The following TIMP2 variants were observed in gnomAD, a reference collection of about 807,000 sequenced individuals.
TIMP2 encodes TIMP metallopeptidase inhibitor 2, also known as metalloproteinase inhibitor 2.
A neutral mutation model predicts 24.3 loss-of-function variants in TIMP2; 5 were observed. The ratio of observed to expected loss-of-function variants is 0.21; its 90% confidence interval spans 0.11 to 0.43. TIMP2 has a LOEUF of 0.43. Among genes scored for constraint, TIMP2 ranks in the 20% least tolerant of loss-of-function variants. The pLI is 1.00. For synonymous variants in TIMP2, 130 were observed against 123.2 expected (o/e 1.06, Z -0.37); for missense variants, 221 against 297.5 (o/e 0.74, Z 1.89).
At chr17:78,913,218 C>T (rs752350146) in intron 1 of TIMP2, among the ~76,000 whole-genome samples, 7 of 152,110 alleles carry the variant, frequency 4.6e-5, no homozygotes, top group African/African-American at 7.2e-5. Flanking sequence ...CTGAGACCCG[C>T]GGCTCTGCAG....
chr17:78,919,788 T>C (rs1297089677), intron 1 of TIMP2, among the ~76,000 whole-genome samples: 1 of 151,944 alleles, frequency 6.6e-6, no homozygotes, highest in African/African-American at 2.4e-5. Context: ...TGAGCCAAGA[T>C]AGCGCCACTG....
At chr17:78,890,540 C>T (rs912383674) in intron 1 of TIMP2, 1 of 1,334,826 alleles carries the variant, frequency 7.5e-7, no homozygotes, top group Non-Finnish European at 1.0e-6. Context: ...CTAATAGTCT[C>T]TGAGGCAATG....
rs1041304719 is a variant in TIMP2 at position 78,878,878 on chromosome 17, C to A, written c.131-4959G>T. Among the ~76,000 whole-genome samples the A allele has an allele frequency of 3.9e-5, 6 of 152,152 alleles. No individual in the cohort carries two copies. In the East Asian group the frequency reaches 5.8e-4, roughly 15 times the overall value. On this transcript the variant is annotated intron_variant, in intron 1 of 4. Coordinates refer to ENST00000262768, the MANE Select transcript of TIMP2 (RefSeq NM_003255.5). ...AATTGGGGGTGGGCACCTCCTCCCCCACTTTGCAAAATGAGAAATTACATG... is the reference window on the plus strand; with the variant it reads ...AATTGGGGGTGGGCACCTCCTCCCCAACTTTGCAAAATGAGAAATTACATG...
rs774358544 is a variant in TIMP2 at position 78,855,955 on chromosome 17, T to C, written c.466-91A>G. On this transcript the variant is annotated intron_variant, in intron 4 of 4. Coordinates refer to ENST00000262768, the MANE Select transcript of TIMP2 (RefSeq NM_003255.5). The surrounding 1 kb of genome is among the most constrained non-coding windows in gnomAD (Gnocchi z 6.0). ...TGGGGGCATGTCCAGAACCCGGCAATGTGCCTACCTGTCATGTGCAGGGAT... is the reference window on the plus strand; with the variant it reads ...TGGGGGCATGTCCAGAACCCGGCAACGTGCCTACCTGTCATGTGCAGGGAT... The C allele has an allele frequency of 6.2e-6, 8 of 1,294,456 alleles. No homozygotes were observed. Among genetic ancestry groups the C allele is most frequent in the African/African-American group, 1.5e-5 (1 of 68,826 alleles). 80.2% of individuals were successfully genotyped at this position (1,294,456 alleles called of 1,614,324 possible). A position where few individuals can be genotyped will look rare whatever the true frequency, so the allele number is the denominator to read the frequency against.
rs1037234759 is a variant in TIMP2, at chr17:78,891,874, C to A, written c.131-17955G>T. 6 of 1,550,658 alleles carry A rather than the reference C, an allele frequency of 3.9e-6. No individual in the cohort carries two copies. In the East Asian group the frequency reaches 1.2e-4, roughly 32 times the overall value. The stretch of plus-strand genomic sequence containing the variant: ...GGGCCAGGTGAGAATTCATCCGACC[C>A]GTGGCTTTTGTAGTCTGTGGTTTCT... On this transcript the variant is annotated intron_variant, in intron 1 of 4. Transcript: ENST00000262768. The surrounding 1 kb of genome is among the most constrained non-coding windows in gnomAD (Gnocchi z 4.5).
chr17:78,871,225 G>A (rs1599149403), intron 2 of TIMP2, among the ~76,000 whole-genome samples: 1 of 152,132 alleles, frequency 6.6e-6, no homozygotes, highest in Non-Finnish European at 1.5e-5. Flanking sequence ...GCTGAGGTGG[G>A]CAGGTCGCTT....
At chr17:78,885,116 G>A (rs900428550) in intron 1 of TIMP2, among the ~76,000 whole-genome samples, 5 of 152,230 alleles carry the variant, frequency 3.3e-5, no homozygotes, top group Non-Finnish European at 7.3e-5. Context: ...CAAGCCTCAC[G>A]GACCAACAGG....
At chr17:78,864,616 C>T (rs929908365) in intron 3 of TIMP2, among the ~76,000 whole-genome samples, 4 of 152,054 alleles carry the variant, frequency 2.6e-5, no homozygotes, top group Non-Finnish European at 4.4e-5. Context: ...ATCAAAACCT[C>T]GTGCCTCCTC....
chr17:78,895,523 G>A (rs764722511), intron 1 of TIMP2, among the ~76,000 whole-genome samples: 7 of 152,150 alleles, frequency 4.6e-5, no homozygotes, highest in Non-Finnish European at 5.9e-5. Flanking sequence ...CCCTGTGCAC[G>A]CTGCTGGTGG....
At chr17:78,874,505 G>A (rs2069712404) in intron 1 of TIMP2, among the ~76,000 whole-genome samples, 2 of 152,166 alleles carry the variant, frequency 1.3e-5, no homozygotes, top group South Asian at 4.1e-4. Flanking sequence ...TTAGCTTTGG[G>A]GGTCTTACAT....
rs544838006 is a variant in TIMP2, at chr17:78,919,770, G to A, written c.130+5189C>T. On this transcript the variant is annotated intron_variant, in intron 1 of 4. Coordinates refer to ENST00000262768, the MANE Select transcript of TIMP2 (RefSeq NM_003255.5). The stretch of plus-strand genomic sequence containing the variant: ...GAATGGCGTGAACCCGGGAGGCGGA[G>A]CTTGCAGTGAGCCAAGATAGCGCCA... Among the ~76,000 whole-genome samples the A allele has an allele frequency of 2.0e-5, 3 of 152,240 alleles. No individual in the cohort carries two copies. In the East Asian group the frequency reaches 5.8e-4, roughly 29 times the overall value.
chr17:78,908,720 G>A (rs2070182232), intron 1 of TIMP2, among the ~76,000 whole-genome samples: 1 of 152,232 alleles, frequency 6.6e-6, no homozygotes, highest in African/African-American at 2.4e-5. Flanking sequence ...TTATGCATTT[G>A]CCTGGTTGTT....
Position 78,855,455 on chromosome 17 carries a change from A to C in TIMP2, c.*212T>G, listed in dbSNP as rs965943841. The stretch of plus-strand genomic sequence containing the variant: ...GCCCCAGACACATAGTGCCTGGCAG[A>C]GGGAGGATGGGATGAGGACCTTGGA... On this transcript the variant is annotated 3_prime_UTR_variant, in exon 5 of 5. Transcript: ENST00000262768. The surrounding 1 kb of genome is among the most constrained non-coding windows in gnomAD (Gnocchi z 6.0). 1 of 605,524 alleles carries C rather than the reference A, an allele frequency of 1.7e-6. No homozygotes were observed. Among genetic ancestry groups the C allele is most frequent in the African/African-American group, 1.8e-5 (1 of 54,064 alleles). The allele number at this position is 605,524 out of a possible 1,614,324, so 37.5% of individuals were successfully genotyped here.
chr17:78,863,297 C>T (rs1039580330), intron 3 of TIMP2, among the ~76,000 whole-genome samples: 1 of 152,158 alleles, frequency 6.6e-6, no homozygotes, highest in African/African-American at 2.4e-5. Context: ...GGCTAGAGTG[C>T]AGTGGCACAA....
At chr17:78,899,437 CAT>C (rs2070055188) in intron 1 of TIMP2, 2 of 152,276 alleles carry the variant, frequency 1.3e-5, no homozygotes, top group African/African-American at 2.4e-5. Context: ...CCACGTGCAT[CAT>C]AATCAGCTGA....
intron 1 of TIMP2, among the ~76,000 whole-genome samples, chr17:78,913,396 T>C (rs948531011): frequency 9.2e-5 from 14 of 152,084 alleles, no homozygotes; most frequent in Non-Finnish European, 1.9e-4. Flanking sequence ...TCATGGTATG[T>C]GAATTACATC....
rs1189396831 is a variant in TIMP2 at position 78,920,151 on chromosome 17, G to A, written c.130+4808C>T. Among the ~76,000 whole-genome samples the A allele has an allele frequency of 1.3e-5, 2 of 152,196 alleles. No homozygotes were observed. Among genetic ancestry groups the A allele is most frequent in the African/African-American group, 4.8e-5 (2 of 41,436 alleles). On this transcript the variant is annotated intron_variant, in intron 1 of 4. Coordinates refer to ENST00000262768, the MANE Select transcript of TIMP2 (RefSeq NM_003255.5). This position sits in a 1 kb window ranked among gnomAD's most constrained non-coding sequence, Gnocchi z 4.5. ...TTCTGCATCAGGACTGGAGACGGCT[G>A]CCCGCGCCTCTCAGTCTCCCAGGAG...
In TIMP2 at chr17:78,855,456, G is replaced by T; in HGVS notation, c.*211C>A. The T allele has an allele frequency of 1.6e-6, 1 of 609,750 alleles. No individual in the cohort carries two copies. The highest frequency in any genetic ancestry group is 2.9e-6 in the Non-Finnish European group (1 of 350,482). 37.8% of individuals were successfully genotyped at this position (609,750 alleles called of 1,614,324 possible). ...CCCCAGACACATAGTGCCTGGCAGAGGGAGGATGGGATGAGGACCTTGGAC... is the reference window on the plus strand; with the variant it reads ...CCCCAGACACATAGTGCCTGGCAGATGGAGGATGGGATGAGGACCTTGGAC... On this transcript the variant is annotated 3_prime_UTR_variant, in exon 5 of 5. Coordinates refer to ENST00000262768, the MANE Select transcript of TIMP2 (RefSeq NM_003255.5). The surrounding 1 kb of genome is among the most constrained non-coding windows in gnomAD (Gnocchi z 6.0).
rs1260990026 is a variant in TIMP2, at chr17:78,854,302, T to G, written c.*1365A>C. ...ATCATTACCGAGAAAGTTCTTCCTATCCTAACCCCCATATCACTGGCTTCA... is the reference window on the plus strand; with the variant it reads ...ATCATTACCGAGAAAGTTCTTCCTAGCCTAACCCCCATATCACTGGCTTCA... On this transcript the variant is annotated 3_prime_UTR_variant, in exon 5 of 5. Transcript: ENST00000262768. 1 of 151,856 alleles carries G rather than the reference T, an allele frequency of 6.6e-6. No individual in the cohort carries two copies. Among genetic ancestry groups the G allele is most frequent in the Non-Finnish European group, 1.5e-5 (1 of 67,958 alleles). The allele number at this position is 151,856 out of a possible 1,614,324, so 9.4% of individuals were successfully genotyped here.
Sources: gnomAD v4.1 joint callset for allele counts (sites outside exome capture counted in the v4.1 genomes callset) on GRCh38, gnomAD v4.1.1 for gene constraint, Gnocchi (gnomAD v3.1) non-coding constraint, MANE v1.5 for transcripts, NCBI Gene and HGNC (gene_info 2026-07-23, HGNC 2026-07-21) for gene names.